The following TLN2 variants were observed in gnomAD, a reference collection of about 807,000 sequenced individuals.
TLN2 encodes the protein talin 2, also known as talin-2.
A neutral mutation model predicts 294.7 loss-of-function variants in TLN2; 118 were observed. The ratio of observed to expected loss-of-function variants is 0.40; its 90% confidence interval spans 0.34 to 0.47. The LOEUF (loss-of-function observed/expected upper bound fraction) is 0.47. Ranked by LOEUF, TLN2 falls within the 20% of genes least tolerant of loss-of-function variation. The pLI is 0.84. For missense variants in TLN2, 3,083 were observed against 3,282.2 expected (o/e 0.94, Z 1.48); for synonymous variants, 1,431 against 1,304.5 (o/e 1.10, Z -2.09).
At chr15:62,426,335 C>A (rs982394774) in intron 1 of TLN2, among the ~76,000 whole-genome samples, 1 of 152,200 alleles carries the variant, frequency 6.6e-6, no homozygotes, top group Non-Finnish European at 1.5e-5. Flanking sequence ...AGGCCCTATA[C>A]CAGACACCTT....
rs373318480 is a variant in TLN2 at position 62,796,304 on chromosome 15, G to T, written c.6050+11G>T. On this transcript the variant is annotated intron_variant, in intron 47 of 58. Transcript: ENST00000636159. ...CTTCGCAGACCACAGGTACGTGGGG[G>T]TCCTGGACGGGGAGAGGTTCAGGCT... is the stretch of plus-strand genomic sequence containing the variant. 4.9e-5 allele frequency: 79 copies of T among 1,608,084 alleles called. No homozygotes were observed. The Middle Eastern group carries it at 4.9e-4, about 10-fold the overall frequency.
chr15:62,755,099 T>G (rs2062159499), intron 36 of TLN2: 1 of 154,200 alleles, frequency 6.5e-6, no homozygotes, highest in South Asian at 2.0e-4. Flanking sequence ...TGATGAAATA[T>G]TTTGGATATA....
intron 1 of TLN2, among the ~76,000 whole-genome samples, chr15:62,421,686 G>A (rs368665050): frequency 2.6e-5 from 4 of 151,966 alleles, no homozygotes; most frequent in East Asian, 1.9e-4. Context: ...GGTAGGGGGT[G>A]GGGGGAGAGA....
intron 1 of TLN2, among the ~76,000 whole-genome samples, chr15:62,447,184 T>TTTAA (rs1181335570): frequency 0.016 from 2,383 of 151,722 alleles, 70 homozygotes; most frequent in African/African-American, 0.055. Context: ...TATTTATTTA[T>TTTAA]TTAATTAGGA....
chr15:62,588,126 C>T (rs1387621124), intron 1 of TLN2, among the ~76,000 whole-genome samples: 12 of 152,058 alleles, frequency 7.9e-5, no homozygotes, highest in Non-Finnish European at 1.3e-4. Flanking sequence ...GTGATCTGCC[C>T]GCCTTCGCCT....
chr15:62,422,938 A>C (rs1254398059), intron 1 of TLN2, among the ~76,000 whole-genome samples: 4 of 152,172 alleles, frequency 2.6e-5, no homozygotes, highest in Non-Finnish European at 4.4e-5. Context: ...CGGTATTGGG[A>C]GACCACCCAA....
At chr15:62,530,181 A>T (rs1002680242) in intron 1 of TLN2, among the ~76,000 whole-genome samples, 9 of 152,100 alleles carry the variant, frequency 5.9e-5, no homozygotes, top group African/African-American at 2.2e-4. Context: ...ACAGAGCGAG[A>T]CTCTGTCTCA....
intron 3 of TLN2, among the ~76,000 whole-genome samples, chr15:62,628,324 A>G (rs191968952): frequency 6.2e-4 from 95 of 152,370 alleles, no homozygotes; most frequent in African/African-American, 2.1e-3. Context: ...CAGCAGATTC[A>G]GATTTCACGG....
intron 2 of TLN2, among the ~76,000 whole-genome samples, chr15:62,597,857 C>A (rs909252165): frequency 2.6e-5 from 4 of 152,072 alleles, no homozygotes; most frequent in African/African-American, 9.7e-5. Flanking sequence ...TAATTTTGTG[C>A]GTGAAACAAA....
At chr15:62,791,228 A>C (rs2065055458) in intron 45 of TLN2, among the ~76,000 whole-genome samples, 1 of 151,852 alleles carries the variant, frequency 6.6e-6, no homozygotes, top group African/African-American at 2.4e-5. Context: ...TGTGGTGGCC[A>C]CCTGTAATCC....
intron 52 of TLN2, among the ~76,000 whole-genome samples, chr15:62,815,170 C>G (rs969315325): frequency 7.5e-6 from 1 of 134,184 alleles, no homozygotes; most frequent in African/African-American, 2.9e-5. Context: ...GATTTTTATT[C>G]TGTCTGTCAC....
chr15:62,482,640 C>T (rs756799386), intron 1 of TLN2, among the ~76,000 whole-genome samples: 15 of 148,734 alleles, frequency 1.0e-4, no homozygotes, highest in Non-Finnish European at 2.1e-4. Context: ...GAATTTACAT[C>T]TCCAACCATG....
intron 44 of TLN2, among the ~76,000 whole-genome samples, chr15:62,782,800 G>A (rs1056750253): frequency 6.6e-6 from 1 of 152,172 alleles, no homozygotes; most frequent in African/African-American, 2.4e-5. Flanking sequence ...TGGATGGAGA[G>A]TCATTCAAAA....
At chr15:62,658,581 T>C (rs529020058) in intron 9 of TLN2, among the ~76,000 whole-genome samples, 19 of 152,222 alleles carry the variant, frequency 1.2e-4, no homozygotes, top group Non-Finnish European at 2.4e-4. Flanking sequence ...TGACGCCGTG[T>C]CCTGCAGTGT....
chr15:62,606,248 A>ATTTTTTTTTTTTTTTTTT (rs771750764), intron 2 of TLN2, among the ~76,000 whole-genome samples: 1 of 136,764 alleles, frequency 7.3e-6, no homozygotes, highest in African/African-American at 2.8e-5. Context: ...TGCTTGGCTA[A>ATTTTTTTTTTTTTTTTTT]TTTTTTTTTT....
chr15:62,763,764 G>A (rs2062820778), intron 40 of TLN2, 69 bp downstream of exon 40: 1 of 1,481,470 alleles, frequency 6.8e-7, no homozygotes, highest in South Asian at 1.3e-5. Flanking sequence ...CATCAGACTT[G>A]GAGGGGTAGA....
At chr15:62,432,470 G>T (rs999083240) in intron 1 of TLN2, among the ~76,000 whole-genome samples, 4 of 152,120 alleles carry the variant, frequency 2.6e-5, no homozygotes, top group Non-Finnish European at 5.9e-5. Context: ...CATGAGGTTG[G>T]AGCTCTCTTG....
chr15:62,677,805 A>AATTTTTTTTTTTTTT (rs1555466874), intron 11 of TLN2, among the ~76,000 whole-genome samples: 1 of 11,152 alleles, frequency 9.0e-5, no homozygotes, highest in African/African-American at 1.4e-4. Flanking sequence ...AGCACTTGCA[A>AATTTTTTTTTTTTTT]CTTTTTTTTT....
intron 1 of TLN2, among the ~76,000 whole-genome samples, chr15:62,466,597 A>G (rs1256969418): frequency 1.3e-5 from 2 of 152,222 alleles, no homozygotes; most frequent in African/African-American, 4.8e-5. Context: ...GGGAATTTGT[A>G]AACACAGCTT....
Sources: allele counts gnomAD v4.1 joint callset (sites outside exome capture counted in the v4.1 genomes callset), GRCh38; gene constraint gnomAD v4.1.1; transcripts MANE v1.5; gene names NCBI Gene and HGNC (gene_info 2026-07-23, HGNC 2026-07-21).